Variants in EFHC2 observed in about 807,000 individuals in gnomAD.
The protein encoded by EFHC2 is EF-hand domain containing 2.
EFHC2 carries 18 observed loss-of-function variants against 52.7 expected under a neutral mutation model. The observed-to-expected ratio is 0.34, with a 90% CI of 0.24 to 0.51. EFHC2 has a LOEUF of 0.51. EFHC2 is among the 20% of genes least tolerant of loss of function. The probability of loss-of-function intolerance (pLI) is 0.97; values close to 1 mark genes in which losing one functional copy is unlikely to be tolerated. For missense variants in EFHC2, 513 were observed against 562.5 expected, an observed-to-expected ratio of 0.91 and a Z score of 0.89; for synonymous variants, 203 against 204.1, an observed-to-expected ratio of 0.99 and a Z score of 0.04.
intron 3 of EFHC2, among the ~76,000 whole-genome samples, chrX:44,268,204 T>G (rs764397512): frequency 9.0e-6 from 1 of 111,626 alleles, no homozygotes; most frequent in Non-Finnish European, 1.9e-5. Context: ...GGTCTTTTTT[T>G]TCTGAGACTT....
At position 44,207,301 on chromosome X, in the gene EFHC2, C is replaced by T. The variant is rs147558168; in HGVS notation, c.1751+22348G>A. ...CAGAGGTGGGCAGATCACCTGAGGC[C>T]AGGAGTTCAAAACCAGCCTGGCCAA... On this transcript the variant is annotated intron_variant, in intron 11 of 14. Coordinates refer to ENST00000420999, the MANE Select transcript of EFHC2 (RefSeq NM_025184.4). Among the ~76,000 whole-genome samples the T allele has an allele frequency of 9.0e-5, 10 of 111,675 alleles. No homozygotes were observed. The East Asian group carries it at 2.3e-3, about 25-fold the overall frequency.
At chrX:44,233,711 C>T (rs987201701) in intron 9 of EFHC2, among the ~76,000 whole-genome samples, 8 of 111,521 alleles carry the variant, frequency 7.2e-5, no homozygotes, top group Admixed American at 1.9e-4. Flanking sequence ...AAATGGGAAT[C>T]AGATGTGTGG....
At chrX:44,212,348 C>T (rs1042792381) in intron 11 of EFHC2, among the ~76,000 whole-genome samples, 2 of 112,174 alleles carry the variant, frequency 1.8e-5, no homozygotes, top group African/African-American at 6.5e-5. Context: ...CAGGTTCTCA[C>T]AGTGACTATT....
chrX:44,150,015 A>G (rs2036557905), intron 14 of EFHC2, among the ~76,000 whole-genome samples: 1 of 112,158 alleles, frequency 8.9e-6, no homozygotes. Flanking sequence ...ATACACACAC[A>G]CAAACTTTTT....
chrX:44,188,826 G>A (rs2036897395), intron 11 of EFHC2, among the ~76,000 whole-genome samples: 2 of 110,678 alleles, frequency 1.8e-5, no homozygotes, highest in Non-Finnish European at 3.8e-5. Context: ...GATTCAAAGA[G>A]GGCAAGAAGA....
At chrX:44,283,675 CTT>C (rs35434534) in intron 2 of EFHC2, among the ~76,000 whole-genome samples, 13 of 42,588 alleles carry the variant, frequency 3.1e-4, no homozygotes, top group African/African-American at 1.2e-3. Flanking sequence ...ACGGAAGTAC[CTT>C]TTTTTTTTTT....
chrX:44,278,856 G>T lies in EFHC2; in HGVS notation c.232-6020C>A, dbSNP rs1234469645. Among the ~76,000 whole-genome samples, 9 of 111,800 alleles carry T rather than the reference G, an allele frequency of 8.1e-5. No homozygotes were observed. In the East Asian group the frequency reaches 1.4e-3, roughly 17 times the overall value. ...CTGTTTCTTTGGATCATTTCTGAAGGCTCCATGTCTCCTGAAGCTTTCATT... is the reference window on the plus strand; with the variant it reads ...CTGTTTCTTTGGATCATTTCTGAAGTCTCCATGTCTCCTGAAGCTTTCATT... On this transcript the variant is annotated intron_variant, in intron 2 of 14. Transcript: ENST00000420999.
At chrX:44,288,765 CT>C (rs1482530952) in intron 2 of EFHC2, among the ~76,000 whole-genome samples, 1 of 111,650 alleles carries the variant, frequency 9.0e-6, no homozygotes, top group African/African-American at 3.3e-5. Flanking sequence ...ATTTATTTTT[CT>C]TTTTGTTCTC....
chrX:44,308,966 C>T (rs1232213761), intron 2 of EFHC2, among the ~76,000 whole-genome samples: 1 of 112,457 alleles, frequency 8.9e-6, no homozygotes, highest in Non-Finnish European at 1.9e-5. Context: ...TTGAAATCTG[C>T]GCTGAAGCAG....
chrX:44,308,947 A>C (rs2037925590), intron 2 of EFHC2, among the ~76,000 whole-genome samples: 1 of 112,573 alleles, frequency 8.9e-6, no homozygotes, highest in African/African-American at 3.2e-5. Context: ...TTTTATATTT[A>C]AGTAAACATT....
chrX:44,283,716 C>T (rs1235702144), intron 2 of EFHC2, among the ~76,000 whole-genome samples: 3 of 96,920 alleles, frequency 3.1e-5, no homozygotes, highest in Non-Finnish European at 6.0e-5. Flanking sequence ...AGTTGCACAG[C>T]GCAAAATCAG....
chrX:44,258,224 GC>G (rs927366277), intron 4 of EFHC2, among the ~76,000 whole-genome samples: 2 of 111,582 alleles, frequency 1.8e-5, no homozygotes, highest in African/African-American at 3.3e-5. Context: ...ATAGGCATGG[GC>G]AAAGACTTCA....
chrX:44,321,987 T>G (rs2038023822), intron 1 of EFHC2, among the ~76,000 whole-genome samples: 1 of 112,272 alleles, frequency 8.9e-6, no homozygotes, highest in Non-Finnish European at 1.9e-5. Context: ...ATTCTGTTCC[T>G]GCATAGATCT....
At chrX:44,191,927 G>T (rs778833311) in intron 11 of EFHC2, among the ~76,000 whole-genome samples, 4 of 111,487 alleles carry the variant, frequency 3.6e-5, no homozygotes, top group Middle Eastern at 4.7e-3. Flanking sequence ...TTTGCCCTTA[G>T]TCTCCTTATA....
At chrX:44,156,158 A>C (rs777205826) in intron 14 of EFHC2, among the ~76,000 whole-genome samples, 23 of 112,209 alleles carry the variant, frequency 2.0e-4, no homozygotes, top group South Asian at 3.7e-4. Flanking sequence ...TTATGTGTAC[A>C]ATTCAAGTGG....
chrX:44,251,420 C>T (rs188192853), intron 4 of EFHC2, among the ~76,000 whole-genome samples: 2 of 100,921 alleles, frequency 2.0e-5, no homozygotes, highest in Non-Finnish European at 4.0e-5. Context: ...TTGAGACCAG[C>T]CTGGCTGTCT....
At chrX:44,297,825 G>A (rs372147970) in intron 2 of EFHC2, among the ~76,000 whole-genome samples, 46 of 107,685 alleles carry the variant, frequency 4.3e-4, no homozygotes, top group African/African-American at 1.2e-3. Context: ...AGAAACAGGC[G>A]AAGACAAAGT....
chrX:44,327,387 A>G (rs914825574), intron 1 of EFHC2, among the ~76,000 whole-genome samples: 6 of 111,848 alleles, frequency 5.4e-5, no homozygotes, highest in African/African-American at 1.9e-4. Context: ...TGGGAATTGA[A>G]GAGAGATAGT....
chrX:44,298,864 A>G (rs2037848275), intron 2 of EFHC2, among the ~76,000 whole-genome samples: 1 of 96,613 alleles, frequency 1.0e-5, no homozygotes, highest in African/African-American at 4.7e-5. Context: ...CTGTCTCAAA[A>G]AAAAAAAAAA....
Sources: allele counts gnomAD v4.1 joint callset (sites outside exome capture counted in the v4.1 genomes callset), GRCh38; gene constraint gnomAD v4.1.1; transcripts MANE v1.5; gene names NCBI Gene and HGNC (gene_info 2026-07-23, HGNC 2026-07-21).